SCTR: variants seen among roughly 807,000 people sequenced by gnomAD.
SCTR encodes pancreatic secretin receptor.
Under a neutral mutation model 60.8 loss-of-function variants are expected in SCTR, and 56 were observed. That is an observed-to-expected ratio of 0.92 (90% confidence interval 0.74 to 1.15). The LOEUF is 1.15. Among genes scored for constraint, SCTR ranks in the 50% most tolerant of loss-of-function variants. SCTR has a pLI of 0.00. For synonymous variants in SCTR, 202 were observed against 217.0 expected, an observed-to-expected ratio of 0.93 and a Z score of 0.61; for missense variants, 562 against 550.4, an observed-to-expected ratio of 1.02 and a Z score of -0.21.
In SCTR at chr2:119,521,967, T is replaced by C. The variant is rs555858858; in HGVS notation, c.72+2188A>G. Among the ~76,000 whole-genome samples, 3 of 152,282 alleles carry C rather than the reference T, an allele frequency of 2.0e-5. No homozygotes were observed. In the East Asian group the frequency reaches 5.8e-4, roughly 29 times the overall value. ...CACGACTTATACACAGGAAACCATC[T>C]TGTGATTATGTAAGGCAGTAATGCA... is the stretch of plus-strand genomic sequence containing the variant. On this transcript the variant is annotated intron_variant, in intron 1 of 12. Transcript: ENST00000019103.
intron 10 of SCTR, among the ~76,000 whole-genome samples, chr2:119,448,323 C>T (rs1573793442): frequency 6.6e-6 from 1 of 152,202 alleles, no homozygotes; most frequent in African/African-American, 2.4e-5. Flanking sequence ...TCACGCACTT[C>T]CCTAAAATCT....
chr2:119,522,745 C>T (rs1679326356), intron 1 of SCTR, among the ~76,000 whole-genome samples: 1 of 152,138 alleles, frequency 6.6e-6, no homozygotes, highest in African/African-American at 2.4e-5. Flanking sequence ...AAGGAAGGAG[C>T]TATTGCCTCT....
chr2:119,441,694 A>C, intron 11 of SCTR, 95 bp from the exon 12 acceptor site: 1 of 1,040,084 alleles, frequency 9.6e-7, no homozygotes, highest in Non-Finnish European at 1.5e-6. Context: ...TCTCTTAATC[A>C]CCAGCTACAG....
intron 7 of SCTR, among the ~76,000 whole-genome samples, chr2:119,456,860 T>C (rs1683395095): frequency 6.6e-6 from 1 of 152,054 alleles, no homozygotes. Context: ...AAGAAGTCCA[T>C]GTAAAGACAT....
intron 7 of SCTR, among the ~76,000 whole-genome samples, chr2:119,455,812 T>C (rs1683352201): frequency 6.6e-6 from 1 of 151,932 alleles, no homozygotes; most frequent in Non-Finnish European, 1.5e-5. Context: ...AAATAGATAA[T>C]GTAAGAACAT....
chr2:119,462,564 T>C (rs759411276), intron 6 of SCTR, among the ~76,000 whole-genome samples: 2 of 152,228 alleles, frequency 1.3e-5, no homozygotes, highest in Non-Finnish European at 2.9e-5. Flanking sequence ...CCTGATGCAG[T>C]GACTGACTCT....
At chr2:119,444,169 A>ATG (rs1376870867) in intron 11 of SCTR, among the ~76,000 whole-genome samples, 1 of 143,794 alleles carries the variant, frequency 7.0e-6, no homozygotes, top group African/African-American at 2.7e-5. Context: ...ATATACACAT[A>ATG]TGTATATATA....
intron 1 of SCTR, among the ~76,000 whole-genome samples, chr2:119,513,070 C>T (rs1679007612): frequency 6.6e-6 from 1 of 152,210 alleles, no homozygotes; most frequent in African/African-American, 2.4e-5. Flanking sequence ...GTAACATAAC[C>T]AGGCCAAGAG....
At chr2:119,504,156 T>C (rs553365445) in intron 1 of SCTR, among the ~76,000 whole-genome samples, 1 of 152,214 alleles carries the variant, frequency 6.6e-6, no homozygotes, top group South Asian at 2.1e-4. Flanking sequence ...AGGGATTCAA[T>C]GAAAGGATCA....
intron 1 of SCTR, among the ~76,000 whole-genome samples, chr2:119,522,694 G>T (rs549039467): frequency 6.6e-6 from 1 of 152,198 alleles, no homozygotes; most frequent in South Asian, 2.1e-4. Flanking sequence ...GACAGTCTCA[G>T]AGTCACTGCA....
chr2:119,495,804 C>T (rs1678324292), intron 1 of SCTR, among the ~76,000 whole-genome samples: 1 of 152,202 alleles, frequency 6.6e-6, no homozygotes, highest in Non-Finnish European at 1.5e-5. Context: ...CACATCACCT[C>T]CCCTGGCCCA....
chr2:119,463,697 C>T (rs1328035097), intron 6 of SCTR, among the ~76,000 whole-genome samples: 1 of 152,208 alleles, frequency 6.6e-6, no homozygotes, highest in East Asian at 1.9e-4. Context: ...TAAGAAAACA[C>T]AACGTTTTAT....
chr2:119,447,150 T>A (rs1558834278), intron 10 of SCTR, among the ~76,000 whole-genome samples: 1 of 151,960 alleles, frequency 6.6e-6, no homozygotes, highest in Non-Finnish European at 1.5e-5. Flanking sequence ...AAAAAAACGG[T>A]ACCTACACCA....
intron 1 of SCTR, 28 bp downstream of exon 1, chr2:119,524,127 C>A (rs1171854830): frequency 6.5e-7 from 1 of 1,537,596 alleles, no homozygotes; most frequent in Admixed American, 2.0e-5. Context: ...CCTCGGGTCC[C>A]CAGCCTGCAG....
intron 9 of SCTR, among the ~76,000 whole-genome samples, chr2:119,450,818 T>C (rs964975110): frequency 3.3e-5 from 5 of 151,994 alleles, no homozygotes; most frequent in Non-Finnish European, 2.9e-5. Flanking sequence ...AAAAATTAGC[T>C]AGGCGTGGTG....
chr2:119,474,104 C>T (rs1350955595), intron 3 of SCTR, among the ~76,000 whole-genome samples: 1 of 152,212 alleles, frequency 6.6e-6, no homozygotes, highest in Non-Finnish European at 1.5e-5. Flanking sequence ...CATTTCTCTG[C>T]ATAATAGATC....
intron 2 of SCTR, among the ~76,000 whole-genome samples, chr2:119,489,576 G>T (rs1347011305): frequency 2.0e-5 from 3 of 152,186 alleles, no homozygotes; most frequent in South Asian, 2.1e-4. Flanking sequence ...ACAGTATCCT[G>T]CAGGAGTCGG....
intron 2 of SCTR, among the ~76,000 whole-genome samples, chr2:119,489,080 T>G (rs1678013027): frequency 6.6e-6 from 1 of 152,096 alleles, no homozygotes; most frequent in African/African-American, 2.4e-5. Flanking sequence ...GAACCCCATC[T>G]GGCGTGGTCA....
At chr2:119,475,603 CATAT>C (rs10643411) in intron 3 of SCTR, among the ~76,000 whole-genome samples, 1 of 143,580 alleles carries the variant, frequency 7.0e-6, no homozygotes, top group African/African-American at 2.6e-5. Context: ...GATGTTTGTG[CATAT>C]ATATATATAT....
Sources: allele counts gnomAD v4.1 joint callset (sites outside exome capture counted in the v4.1 genomes callset), GRCh38; gene constraint gnomAD v4.1.1; transcripts MANE v1.5; gene names NCBI Gene and HGNC (gene_info 2026-07-23, HGNC 2026-07-21).